The following EFHC1 variants were observed in gnomAD, a reference collection of about 807,000 sequenced individuals.
EFHC1 encodes EF-hand domain-containing protein 1.
A neutral mutation model predicts 69.9 loss-of-function variants in EFHC1; 53 were observed. The ratio of observed to expected loss-of-function variants is 0.76; its 90% confidence interval spans 0.61 to 0.95. EFHC1 has a LOEUF of 0.95. Ranked by LOEUF, EFHC1 falls within the 40% of genes least tolerant of loss-of-function variation. The pLI is 0.00. For synonymous variants in EFHC1, 256 were observed against 278.4 expected, an observed-to-expected ratio of 0.92 and a Z score of 0.80; for missense variants, 739 against 798.7, an observed-to-expected ratio of 0.93 and a Z score of 0.90.
chr6:52,461,015 G>T (rs1276283963), intron 5 of EFHC1, among the ~76,000 whole-genome samples: 1 of 152,140 alleles, frequency 6.6e-6, no homozygotes, highest in African/African-American at 2.4e-5. Context: ...GAACTGACAT[G>T]TATTACAGTA....
intron 2 of EFHC1, 135 bp from the exon 3 acceptor site, chr6:52,438,169 C>T: frequency 1.1e-6 from 1 of 871,996 alleles, no homozygotes; most frequent in Admixed American, 2.2e-5. Context: ...TTTAGAGTAT[C>T]AAGATTTACA....
At chr6:52,470,132 T>C (rs1299805693) in intron 7 of EFHC1, among the ~76,000 whole-genome samples, 1 of 152,178 alleles carries the variant, frequency 6.6e-6, no homozygotes, top group South Asian at 2.1e-4. Flanking sequence ...AATTAGGAGC[T>C]GGGGGTAGGA....
rs759359544 is a variant in EFHC1 at position 52,496,753 on chromosome 6, A to C, written c.*4412A>C. ...GCTTCTCATGGCAGAGCAGGACCCAACTCTACAATGAAGCTTGCCATGCAT... is the reference window on the plus strand; with the variant it reads ...GCTTCTCATGGCAGAGCAGGACCCACCTCTACAATGAAGCTTGCCATGCAT... On this transcript the variant is annotated 3_prime_UTR_variant, in exon 11 of 11. Transcript: ENST00000371068. The C allele has an allele frequency of 6.6e-6, 1 of 152,164 alleles. No individual in the cohort carries two copies. Among genetic ancestry groups the C allele is most frequent in the Middle Eastern group, 3.4e-3 (1 of 294 alleles). 9.4% of individuals were successfully genotyped at this position (152,164 alleles called of 1,614,324 possible).
chr6:52,444,044 G>C (rs1487573414), intron 3 of EFHC1, among the ~76,000 whole-genome samples: 4 of 152,180 alleles, frequency 2.6e-5, no homozygotes, highest in African/African-American at 9.6e-5. Context: ...TATTCTCTTT[G>C]AAGCAATTGT....
At chr6:52,434,208 A>G (rs1385556292) in intron 2 of EFHC1, among the ~76,000 whole-genome samples, 1 of 152,132 alleles carries the variant, frequency 6.6e-6, no homozygotes, top group Non-Finnish European at 1.5e-5. Flanking sequence ...AGACTTCTCA[A>G]TTGGTTCAAA....
At chr6:52,441,457 C>G (rs1389486366) in intron 3 of EFHC1, among the ~76,000 whole-genome samples, 1 of 152,074 alleles carries the variant, frequency 6.6e-6, no homozygotes, top group Non-Finnish European at 1.5e-5. Flanking sequence ...TTCCATTGGT[C>G]TATGTGTCTG....
intron 7 of EFHC1, among the ~76,000 whole-genome samples, chr6:52,474,025 C>T (rs896395691): frequency 6.6e-6 from 1 of 151,894 alleles, no homozygotes; most frequent in African/African-American, 2.4e-5. Flanking sequence ...CAAGAGGCAA[C>T]TAAACATATT....
chr6:52,454,544 G>T (rs761772449), intron 5 of EFHC1, among the ~76,000 whole-genome samples: 1 of 152,090 alleles, frequency 6.6e-6, no homozygotes, highest in Non-Finnish European at 1.5e-5. Context: ...GTGCAGCAGA[G>T]CAAGGTTTCT....
intron 9 of EFHC1, chr6:52,486,970 T>C (rs1408884292): frequency 1.3e-5 from 2 of 152,182 alleles, no homozygotes; most frequent in Admixed American, 1.3e-4. Flanking sequence ...GGCAATTATA[T>C]GAGAGAATAG....
At position 52,493,372 on chromosome 6, in the gene EFHC1, ATATATATATATATT is replaced by A. The variant is rs1379568877; in HGVS notation, c.*1033_*1046del. Reference sequence around the variant, plus strand: ...TCTCTTTCTCTCTCTCTACATATATATATATATATATATTTTATATGTACACATTCATACACACA... The same window carrying A: ...TCTCTTTCTCTCTCTCTACATATATATTATATGTACACATTCATACACACA... On this transcript the variant is annotated 3_prime_UTR_variant, in exon 11 of 11. Transcript: ENST00000371068. 5.0e-6 allele frequency: 1 copy of A among 198,490 alleles called. No individual in the cohort carries two copies. Among genetic ancestry groups the A allele is most frequent in the African/African-American group, 2.7e-5 (1 of 37,622 alleles). The allele number at this position is 198,490 out of a possible 1,614,324, so 12.3% of individuals were successfully genotyped here.
chr6:52,437,907 A>G (rs527435025), intron 2 of EFHC1, among the ~76,000 whole-genome samples: 10 of 152,326 alleles, frequency 6.6e-5, no homozygotes, highest in African/African-American at 2.2e-4. Context: ...TAGTCTGTGT[A>G]TCTCTGTCAC....
chr6:52,474,914 G>A lies in EFHC1; in HGVS notation c.1279-4123G>A, dbSNP rs191967849. Among the ~76,000 whole-genome samples the A allele has an allele frequency of 1.1e-4, 17 of 152,066 alleles. No individual in the cohort carries two copies. The East Asian group carries it at 1.9e-3, about 17-fold the overall frequency. ...ATATTGATTGGGAGGTTCTGGCAGC[G>A]TTCTGTTTCTCAACCTGGATGGTGG... is the stretch of plus-strand genomic sequence containing the variant. On this transcript the variant is annotated intron_variant, in intron 7 of 10. Transcript: ENST00000371068.
At chr6:52,458,274 A>T (rs1271133001) in intron 5 of EFHC1, among the ~76,000 whole-genome samples, 1 of 152,200 alleles carries the variant, frequency 6.6e-6, no homozygotes, top group African/African-American at 2.4e-5. Context: ...GGGGGAAAAA[A>T]AAAGCAAATG....
At chr6:52,457,045 A>G (rs756164742) in intron 5 of EFHC1, among the ~76,000 whole-genome samples, 1 of 152,232 alleles carries the variant, frequency 6.6e-6, no homozygotes, top group African/African-American at 2.4e-5. Flanking sequence ...CATTTATCCA[A>G]TGGGTGATTT....
chr6:52,483,657 G>A (rs55934038), intron 9 of EFHC1: 11,038 of 152,234 alleles, frequency 0.073, 821 homozygotes, highest in African/African-American at 0.19. Flanking sequence ...CTGATATGGC[G>A]CACTGGTGGG....
At chr6:52,456,465 A>G (rs901890104) in intron 5 of EFHC1, among the ~76,000 whole-genome samples, 1 of 152,256 alleles carries the variant, frequency 6.6e-6, no homozygotes, top group African/African-American at 2.4e-5. Context: ...AAATCCCTTT[A>G]AATGACAGAT....
At chr6:52,423,733 G>A in intron 1 of EFHC1, 1 of 1,046,510 alleles carries the variant, frequency 9.6e-7, no homozygotes. Context: ...CTCGAACTCT[G>A]GGGCTGAAGT....
chr6:52,428,002 T>C (rs1233335413), intron 2 of EFHC1, among the ~76,000 whole-genome samples: 1 of 152,168 alleles, frequency 6.6e-6, no homozygotes, highest in Non-Finnish European at 1.5e-5. Flanking sequence ...TCACAATCTC[T>C]AATTTCCTCG....
In EFHC1 at chr6:52,479,110, T is replaced by A. The variant is rs1401194031; in HGVS notation, c.1352T>A (p.Ile451Asn). 1 of 1,614,160 alleles carries A rather than the reference T, an allele frequency of 6.2e-7. No homozygotes were observed. The highest frequency in any genetic ancestry group is 1.7e-5 in the Admixed American group (1 of 60,026). ...TTTCTAGCTACCGACATGATCAGTA[T>A]CTTTGAGCCTCCTGTTCGCAATTCT... Reference protein sequence around the residue: ...SYFLATDMISIFEPPVRNSGI... With the variant: ...SYFLATDMISNFEPPVRNSGI... Residue 451 changes from isoleucine (I) to asparagine (N), a missense_variant, in exon 8 of 11, where the codon ATC (isoleucine) becomes AAC (asparagine). Ile to Asn is a moderately radical substitution (Grantham distance 149). Transcript: ENST00000371068.
Sources: gnomAD v4.1 joint callset for allele counts (sites outside exome capture counted in the v4.1 genomes callset) on GRCh38, gnomAD v4.1.1 for gene constraint, MANE v1.5 for transcripts, NCBI Gene and HGNC (gene_info 2026-07-23, HGNC 2026-07-21) for gene names.